The following SAMTOR variants were observed in gnomAD, a reference collection of about 807,000 sequenced individuals.
The protein encoded by SAMTOR is UPF0532 protein C7orf60.
chr7:112,922,685 G>A, the SAMTOR span, among the ~76,000 whole-genome samples: 22 of 145,784 alleles, frequency 1.5e-4, no homozygotes, highest in African/African-American at 4.9e-4. Context: ...CTGCCCGGCC[G>A]CCCCGTCTGA....
the SAMTOR span, among the ~76,000 whole-genome samples, chr7:112,927,953 A>G: frequency 4.6e-5 from 7 of 152,026 alleles, no homozygotes; most frequent in Non-Finnish European, 1.0e-4. Flanking sequence ...TATCAAGATA[A>G]TACCATAACT....
the SAMTOR span, among the ~76,000 whole-genome samples, chr7:112,834,104 G>A: frequency 6.6e-6 from 1 of 152,206 alleles, no homozygotes; most frequent in East Asian, 1.9e-4. Context: ...AGTTGTTTGT[G>A]CTTCTATAAT....
the SAMTOR span, among the ~76,000 whole-genome samples, chr7:112,924,972 A>G: frequency 6.6e-6 from 1 of 152,188 alleles, no homozygotes; most frequent in Non-Finnish European, 1.5e-5. Flanking sequence ...TTCAATGTTC[A>G]AGTTGAAGGT....
chr7:112,842,662 G>A, the SAMTOR span, among the ~76,000 whole-genome samples: 6,137 of 152,006 alleles, frequency 0.04, 335 homozygotes, highest in African/African-American at 0.12. Context: ...ATCAGTTTGT[G>A]ACAACATAGT....
the SAMTOR span, among the ~76,000 whole-genome samples, chr7:112,891,879 G>A: frequency 2.6e-5 from 4 of 152,244 alleles, no homozygotes; most frequent in Admixed American, 2.6e-4. Flanking sequence ...GATGGTTGCT[G>A]AAAGCTGGGG....
At chr7:112,927,691 CAGAGAATT>C in the SAMTOR span, among the ~76,000 whole-genome samples, 7 of 151,988 alleles carry the variant, frequency 4.6e-5, no homozygotes, top group African/African-American at 1.7e-4. Flanking sequence ...TGACCAACTA[CAGAGAATT>C]CACAAATTAT....
chr7:112,866,888 C>G, the SAMTOR span, among the ~76,000 whole-genome samples: 24 of 152,282 alleles, frequency 1.6e-4, no homozygotes, highest in African/African-American at 5.8e-4. Flanking sequence ...TTCCTCCTCT[C>G]AAGATGCTTT....
At chr7:112,893,416 C>T in the SAMTOR span, among the ~76,000 whole-genome samples, 1 of 152,206 alleles carries the variant, frequency 6.6e-6, no homozygotes, top group Non-Finnish European at 1.5e-5. Context: ...ACCTCATGAA[C>T]CAACCTCTGT....
chr7:112,840,714 T>G, the SAMTOR span, among the ~76,000 whole-genome samples: 1 of 151,884 alleles, frequency 6.6e-6, no homozygotes, highest in African/African-American at 2.4e-5. Context: ...CTTTAAAGTT[T>G]CTATTTCCCG....
chr7:112,902,434 A>AAC, the SAMTOR span, among the ~76,000 whole-genome samples: 20 of 111,974 alleles, frequency 1.8e-4, 1 homozygote, highest in African/African-American at 7.6e-4. Flanking sequence ...AAAAACAAAA[A>AAC]AAAACAAAAA....
the SAMTOR span, among the ~76,000 whole-genome samples, chr7:112,875,915 T>C: frequency 6.6e-6 from 1 of 152,332 alleles, no homozygotes; most frequent in East Asian, 1.9e-4. Flanking sequence ...ATTCAGGTTA[T>C]GTTCCAGATG....
the SAMTOR span, among the ~76,000 whole-genome samples, chr7:112,851,407 C>T: frequency 1.3e-5 from 2 of 152,088 alleles, no homozygotes; most frequent in African/African-American, 4.8e-5. Context: ...CTACAACCAA[C>T]TGATGTTTGA....
the SAMTOR span, among the ~76,000 whole-genome samples, chr7:112,925,423 A>T: frequency 3.3e-5 from 5 of 152,234 alleles, no homozygotes; most frequent in African/African-American, 1.2e-4. Context: ...AAGTTCTATG[A>T]TAACATATAC....
At chr7:112,932,273 C>T in the SAMTOR span, among the ~76,000 whole-genome samples, 74 of 152,042 alleles carry the variant, frequency 4.9e-4, no homozygotes, top group African/African-American at 1.8e-3. Flanking sequence ...TACATTATAC[C>T]CACTACAACA....
At chr7:112,921,509 G>A in the SAMTOR span, among the ~76,000 whole-genome samples, 48 of 150,244 alleles carry the variant, frequency 3.2e-4, no homozygotes, top group African/African-American at 1.0e-3. Context: ...AGAAAACCTA[G>A]GCATTACCAT....
At chr7:112,859,708 T>TA in the SAMTOR span, among the ~76,000 whole-genome samples, 660 of 151,622 alleles carry the variant, frequency 4.4e-3, 2 homozygotes, top group Middle Eastern at 0.01. Context: ...GTTTAAAAAG[T>TA]AAAAAAAACA....
the SAMTOR span, among the ~76,000 whole-genome samples, chr7:112,859,857 C>T: frequency 2.6e-5 from 4 of 151,978 alleles, no homozygotes; most frequent in Admixed American, 6.5e-5. Flanking sequence ...GAGTAAGCTA[C>T]GATTGATTTT....
At chr7:112,929,219 A>T in the SAMTOR span, among the ~76,000 whole-genome samples, 6,512 of 151,290 alleles carry the variant, frequency 0.043, 364 homozygotes, top group African/African-American at 0.13. Flanking sequence ...AAAGATATAT[A>T]AAAAAAACCT....
At chr7:112,914,276 G>GTTTTTTTTTTTTTTTTTTTTTTT in the SAMTOR span, among the ~76,000 whole-genome samples, 1 of 131,004 alleles carries the variant, frequency 7.6e-6, no homozygotes, top group Non-Finnish European at 1.6e-5. Context: ...TTAGCCTCTA[G>GTTTTTTTTTTTTTTTTTTTTTTT]TTTTTTTTTT....
Sources: gnomAD v4.1 joint callset for allele counts (sites outside exome capture counted in the v4.1 genomes callset) on GRCh38, gnomAD v4.1.1 for gene constraint, MANE v1.5 for transcripts, NCBI Gene and HGNC (gene_info 2026-07-23, HGNC 2026-07-21) for gene names.